PSMC6: variants seen among roughly 807,000 people sequenced by gnomAD.
The protein encoded by PSMC6 is proteasome 26S subunit, ATPase 6, also known as 26S proteasome regulatory subunit 10B.
Under a neutral mutation model 55.9 loss-of-function variants are expected in PSMC6, and 3 were observed. The observed-to-expected ratio is 0.05, with a 90% CI of 0.02 to 0.14. PSMC6 has a LOEUF of 0.14. Among genes scored for constraint, PSMC6 ranks in the 10% least tolerant of loss-of-function variants. The pLI is 1.00. For synonymous variants in PSMC6, 137 were observed against 155.9 expected (o/e 0.88, Z 0.90); for missense variants, 210 against 478.7 (o/e 0.44, Z 5.24).
chr14:52,725,555 G>A (rs935720352), intron 13 of PSMC6, among the ~76,000 whole-genome samples: 1 of 151,864 alleles, frequency 6.6e-6, no homozygotes, highest in Non-Finnish European at 1.5e-5. Context: ...CTTTTGAGAC[G>A]GAGTCTCACT....
At chr14:52,707,543 AG>A in intron 1 of PSMC6, 1 of 500,966 alleles carries the variant, frequency 2.0e-6, no homozygotes, top group South Asian at 2.2e-5. Flanking sequence ...AAAATGAAAA[AG>A]AAGTAGAGGA....
intron 9 of PSMC6, 150 bp from the exon 10 acceptor site, chr14:52,718,827 C>T: frequency 1.6e-6 from 1 of 642,658 alleles, no homozygotes; most frequent in South Asian, 2.1e-5. Context: ...AATGTTACAC[C>T]AAAATCAAGT....
At chr14:52,716,398 T>C (rs2041830290) in intron 7 of PSMC6, among the ~76,000 whole-genome samples, 1 of 152,336 alleles carries the variant, frequency 6.6e-6, no homozygotes, top group East Asian at 1.9e-4. Context: ...CCCATGATTA[T>C]TTCACAATAG....
In PSMC6 at chr14:52,720,894, C is replaced by T. The variant is rs1384005369; in HGVS notation, c.811C>T (p.His271Tyr). Residue 271 changes from histidine (H) to tyrosine (Y), a missense_variant, in exon 11 of 14, where the codon CAT becomes TAT. Transcript: ENST00000445930. The stretch of plus-strand genomic sequence containing the variant: ...TCAAATGGATGGATTTGATACTCTG[C>T]ATAGAGTTAAAATGATCATGGCTAC... ...LNQMDGFDTLHRVKMIMATNR... is the reference protein window; with the variant it reads ...LNQMDGFDTLYRVKMIMATNR... The T allele has an allele frequency of 6.2e-7, 1 of 1,607,594 alleles. No individual in the cohort carries two copies. The highest frequency in any genetic ancestry group is 8.5e-7 in the Non-Finnish European group (1 of 1,174,626).
intron 11 of PSMC6, 49 bp downstream of exon 11, chr14:52,721,030 CTT>C (rs1566660830): frequency 3.8e-6 from 6 of 1,594,678 alleles, no homozygotes; most frequent in Non-Finnish European, 4.3e-6. Flanking sequence ...GTGCCCATTT[CTT>C]TTTCCATACT....
At chr14:52,720,013 TGA>T (rs2041871088) in intron 10 of PSMC6, among the ~76,000 whole-genome samples, 2 of 152,042 alleles carry the variant, frequency 1.3e-5, no homozygotes, top group African/African-American at 4.8e-5. Flanking sequence ...TCATGAGGTC[TGA>T]GCATTGAGAC....
In PSMC6 at chr14:52,719,053, A is replaced by T. The variant is rs201584105; in HGVS notation, c.777+15A>T. ...CGTTAATGGAGGTAATATTTGGTAA[A>T]GGGGGTTTATAAAGAAACCAATGTT... On this transcript the variant is annotated intron_variant, in intron 10 of 13. Coordinates refer to ENST00000445930, the MANE Select transcript of PSMC6 (RefSeq NM_002806.5). 1 of 1,589,768 alleles carries T rather than the reference A, an allele frequency of 6.3e-7. No individual in the cohort carries two copies. Among genetic ancestry groups the T allele is most frequent in the East Asian group, 2.2e-5 (1 of 44,720 alleles).
intron 3 of PSMC6, 118 bp from the exon 4 acceptor site, chr14:52,708,644 GTT>G (rs2041731153): frequency 2.0e-5 from 31 of 1,538,438 alleles, no homozygotes; most frequent in Non-Finnish European, 2.7e-5. Flanking sequence ...ATAGACTTAA[GTT>G]TTCCTTCAAC....
Position 52,724,550 on chromosome 14 carries a change from G to A in PSMC6, c.1051+514G>A, listed in dbSNP as rs541759921. ...AGAGGTATCTGCTGCAAAATGAATT[G>A]TGTATGTTGTCTAATACTAGTCTGT... On this transcript the variant is annotated intron_variant, in intron 13 of 13. Coordinates refer to ENST00000445930, the MANE Select transcript of PSMC6 (RefSeq NM_002806.5). Among the ~76,000 whole-genome samples, 3 of 152,324 alleles carry A rather than the reference G, an allele frequency of 2.0e-5. No individual in the cohort carries two copies. In the East Asian group the frequency reaches 5.8e-4, roughly 29 times the overall value.
intron 6 of PSMC6, among the ~76,000 whole-genome samples, chr14:52,712,837 G>T (rs990850729): frequency 3.3e-5 from 5 of 151,894 alleles, no homozygotes; most frequent in African/African-American, 1.2e-4. Flanking sequence ...GGCTCTTCTC[G>T]AACTCCTGAA....
Position 52,719,011 on chromosome 14 carries a change from C to T in PSMC6, c.750C>T (p.Asp250=), listed in dbSNP as rs747676000. The T allele has an allele frequency of 3.1e-6, 5 of 1,612,378 alleles. No homozygotes were observed. In the African/African-American group the frequency reaches 6.7e-5, roughly 22 times the overall value. Residue 250 remains aspartate, a synonymous_variant, in exon 10 of 14, where the codon GAC becomes GAT. Coordinates refer to ENST00000445930, the MANE Select transcript of PSMC6 (RefSeq NM_002806.5). Reference sequence around the variant, plus strand: ...GGTTTTCTGAGGGTACTTCAGCTGACAGAGAGATTCAGAGAACGTTAATGG... The same window carrying T: ...GGTTTTCTGAGGGTACTTCAGCTGATAGAGAGATTCAGAGAACGTTAATGG... The part of the protein sequence containing the change: ...GRRFSEGTSA[D]REIQRTLMEL...
At chr14:52,717,544 G>C (rs535938243) in intron 7 of PSMC6, among the ~76,000 whole-genome samples, 1 of 150,536 alleles carries the variant, frequency 6.6e-6, no homozygotes, top group African/African-American at 2.4e-5. Context: ...ACTGTGTTTC[G>C]ATCTCCTGAC....
Position 52,708,754 on chromosome 14 carries a change from T to C in PSMC6, c.206-10T>C. 6.2e-7 allele frequency: 1 copy of C among 1,611,974 alleles called. No homozygotes were observed. The highest frequency in any genetic ancestry group is 8.5e-7 in the Non-Finnish European group (1 of 1,179,558). On this transcript the variant is annotated splice_polypyrimidine_tract_variant and intron_variant, in intron 3 of 13. Transcript: ENST00000445930. ...TTTTTCAATTAGTTCTTTTATGTTT[T>C]TTCTTCTAGTCATTGTTAAAGCTAC...
At chr14:52,724,187 C>G (rs1594854933) in intron 13 of PSMC6, 151 bp downstream of exon 13, 1 of 682,226 alleles carries the variant, frequency 1.5e-6, no homozygotes, top group East Asian at 2.8e-5. Context: ...ATAGGAGAAG[C>G]AGGGCAAGTG....
Position 52,724,350 on chromosome 14 carries a change from C to T in PSMC6, c.1051+314C>T, listed in dbSNP as rs368410260. Reference sequence around the variant, plus strand: ...AGAACATTGATTTACCAGTACTCATCCCCCATTGGATGAGATTTGTCCTTG... The same window carrying T: ...AGAACATTGATTTACCAGTACTCATTCCCCATTGGATGAGATTTGTCCTTG... On this transcript the variant is annotated intron_variant, in intron 13 of 13. Transcript: ENST00000445930. Among the ~76,000 whole-genome samples the T allele has an allele frequency of 3.7e-4, 57 of 152,294 alleles. 1 individual carries two copies. The East Asian group carries it at 5.6e-3, about 15-fold the overall frequency.
Position 52,708,757 on chromosome 14 carries a change from C to T in PSMC6, c.206-7C>T, listed in dbSNP as rs2041732417. The T allele has an allele frequency of 1.2e-6, 2 of 1,611,882 alleles. No homozygotes were observed. Among genetic ancestry groups the T allele is most frequent in the Non-Finnish European group, 1.7e-6 (2 of 1,179,414 alleles). ...TTCAATTAGTTCTTTTATGTTTTTT[C>T]TTCTAGTCATTGTTAAAGCTACCAA... On this transcript the variant is annotated splice_polypyrimidine_tract_variant and splice_region_variant and intron_variant, in intron 3 of 13. Transcript: ENST00000445930.
chr14:52,708,569 C>G, intron 3 of PSMC6, 47 bp downstream of exon 3: 4 of 1,579,062 alleles, frequency 2.5e-6, no homozygotes, highest in Non-Finnish European at 3.5e-6. Flanking sequence ...CAGTCCACCT[C>G]TCTCTCACTT....
chr14:52,711,974 A>G (rs951772675), intron 6 of PSMC6, among the ~76,000 whole-genome samples: 4 of 152,212 alleles, frequency 2.6e-5, no homozygotes, highest in Admixed American at 6.5e-5. Flanking sequence ...CTGCCATTCC[A>G]GAAAACCACT....
chr14:52,717,497 A>T (rs913037167), intron 7 of PSMC6, among the ~76,000 whole-genome samples: 1 of 151,454 alleles, frequency 6.6e-6, no homozygotes, highest in Non-Finnish European at 1.5e-5. Context: ...CACCACGCTC[A>T]GCTAATTTTT....
Sources: allele counts gnomAD v4.1 joint callset (sites outside exome capture counted in the v4.1 genomes callset), GRCh38; gene constraint gnomAD v4.1.1; transcripts MANE v1.5; gene names NCBI Gene and HGNC (gene_info 2026-07-23, HGNC 2026-07-21).